The following ZNF668 variants were observed in gnomAD, a reference collection of about 807,000 sequenced individuals.
ZNF668 encodes zinc finger protein 668.
Under a neutral mutation model 40.3 loss-of-function variants are expected in ZNF668, and 10 were observed. The observed-to-expected ratio is 0.25, with a 90% confidence interval of 0.15 to 0.42. The LOEUF is 0.42. Ranked by LOEUF, ZNF668 falls within the 10% of genes least tolerant of loss-of-function variation. The probability of loss-of-function intolerance (pLI) is 1.00; values close to 1 mark genes in which losing one functional copy is unlikely to be tolerated. For synonymous variants in ZNF668, 428 were observed against 384.6 expected, an observed-to-expected ratio of 1.11 and a Z score of -1.32; for missense variants, 749 against 904.6, an observed-to-expected ratio of 0.83 and a Z score of 2.21.
At chr16:31,070,417 A>C (rs941139898) in intron 1 of ZNF668, among the ~76,000 whole-genome samples, 4 of 150,738 alleles carry the variant, frequency 2.7e-5, no homozygotes, top group African/African-American at 9.8e-5. Flanking sequence ...CATGTTGGCC[A>C]GGCTGGTCTT....
chr16:31,067,149 G>C (rs2056986077), intron 1 of ZNF668, among the ~76,000 whole-genome samples: 1 of 152,034 alleles, frequency 6.6e-6, no homozygotes, highest in Admixed American at 6.6e-5. Flanking sequence ...AGCCTAAGGA[G>C]ACTGAGGTTG....
At position 31,062,286 on chromosome 16, in the gene ZNF668, G is replaced by A. The variant is rs371037658; in HGVS notation, c.648-6C>T. The A allele has an allele frequency of 3.2e-6, 5 of 1,587,194 alleles. No homozygotes were observed. The highest frequency in any genetic ancestry group is 1.3e-5 in the African/African-American group (1 of 74,674). ...GGCGCTCGCCGGTGTGGGACCTGCG[G>A]GGGTGTGGAGGACTTGGCATGAAGG... On this transcript the variant is annotated splice_polypyrimidine_tract_variant and splice_region_variant and intron_variant, in intron 2 of 2. Coordinates refer to ENST00000300849, the MANE Select transcript of ZNF668 (RefSeq NM_024706.5).
In ZNF668 at chr16:31,061,296, G is replaced by A; in HGVS notation, c.1632C>T (p.Phe544=). 1 of 1,571,916 alleles carries A rather than the reference G, an allele frequency of 6.4e-7. No homozygotes were observed. The highest frequency in any genetic ancestry group is 8.6e-7 in the Non-Finnish European group (1 of 1,158,202). ...AGCTCTTGCCGCACTGGGTGCAGGG[G>A]AAGGGCCGGAGCTCCGGGTGTGAGC... The part of the protein sequence containing the change: ...HERSHPELRP[F]PCTQCGKSFS... Residue 544 remains phenylalanine, a synonymous_variant, in exon 3 of 3, where the codon TTC becomes TTT. Coordinates refer to ENST00000300849, the MANE Select transcript of ZNF668 (RefSeq NM_024706.5). The surrounding 1 kb of genome is among the most constrained non-coding windows in gnomAD (Gnocchi z 7.7).
chr16:31,066,460 G>T, intron 1 of ZNF668: 1 of 800,630 alleles, frequency 1.2e-6, no homozygotes, highest in Non-Finnish European at 1.5e-6. Context: ...GGGAGGCTGA[G>T]GCGGGAGGAT....
rs2056959551 is a variant in ZNF668 at position 31,064,030 on chromosome 16, G to A, written c.430C>T (p.His144Tyr). Reference sequence around the variant, plus strand: ...AGCGCGCCATAGGCCTTCGGGCAGTGCGCACAGCGGAAGGGCAGTTCGCCA... The same window carrying A: ...AGCGCGCCATAGGCCTTCGGGCAGTACGCACAGCGGAAGGGCAGTTCGCCA... ...HAGELPFRCA[H>Y]CPKAYGALSK... Residue 144 changes from histidine (H) to tyrosine (Y), a missense_variant, in exon 2 of 3, where the codon CAC becomes TAC. His to Tyr is a moderately conservative substitution (Grantham distance 83). Transcript: ENST00000300849. The A allele has an allele frequency of 6.2e-7, 1 of 1,605,152 alleles. No individual in the cohort carries two copies. The highest frequency in any genetic ancestry group is 8.5e-7 in the Non-Finnish European group (1 of 1,174,208).
intron 1 of ZNF668, among the ~76,000 whole-genome samples, chr16:31,069,970 C>T (rs1306452411): frequency 7.2e-5 from 11 of 151,904 alleles, no homozygotes; most frequent in South Asian, 2.1e-4. Flanking sequence ...GAGACAGGGT[C>T]TCACTGTGTT....
chr16:31,063,878 C>A lies in ZNF668; in HGVS notation c.582G>T (p.Arg194=). 6.3e-7 allele frequency: 1 copy of A among 1,595,130 alleles called. No individual in the cohort carries two copies. The highest frequency in any genetic ancestry group is 1.7e-5 in the Admixed American group (1 of 57,286). ...RKHRRTHAGL[R]PYSCERCGKA... is the part of the protein sequence containing the mutation. ...TGCCGCAACGCTCACAGCTGTAGGG[C>A]CGCAGGCCAGCGTGAGTACGCCGGT... The change falls in exon 2 of 3, where the codon CGG becomes CGT. Residue 194 remains arginine (R), a synonymous_variant. Coordinates refer to ENST00000300849, the MANE Select transcript of ZNF668 (RefSeq NM_024706.5).
chr16:31,062,284 C>T lies in ZNF668; in HGVS notation c.648-4G>A, dbSNP rs199875374. ...GGGGCGCTCGCCGGTGTGGGACCTG[C>T]GGGGGTGTGGAGGACTTGGCATGAA... On this transcript the variant is annotated splice_polypyrimidine_tract_variant and splice_region_variant and intron_variant, in intron 2 of 2. Coordinates refer to ENST00000300849, the MANE Select transcript of ZNF668 (RefSeq NM_024706.5). 1.3e-6 allele frequency: 2 copies of T among 1,591,216 alleles called. No homozygotes were observed. Among genetic ancestry groups the T allele is most frequent in the South Asian group, 1.1e-5 (1 of 88,472 alleles).
At chr16:31,069,268 T>TACACACACACACACACACAC (rs55722354) in intron 1 of ZNF668, 15 of 141,778 alleles carry the variant, frequency 1.1e-4, no homozygotes, top group African/African-American at 3.0e-4. Context: ...CTACTAAAAA[T>TACACACACACACACACACAC]ACACACACAC....
chr16:31,064,635 C>T (rs2056968292), intron 1 of ZNF668, 154 bp from the exon 2 acceptor site: 7 of 1,536,728 alleles, frequency 4.6e-6, no homozygotes, highest in Middle Eastern at 3.3e-4. Flanking sequence ...TTCGTTTCCT[C>T]CCTGATCTGC....
At chr16:31,062,494 A>C in intron 2 of ZNF668, 1 of 643,328 alleles carries the variant, frequency 1.6e-6, no homozygotes, top group Non-Finnish European at 2.5e-6. Flanking sequence ...AAAGACCAAG[A>C]TATGGGCCGG....
intron 1 of ZNF668, among the ~76,000 whole-genome samples, chr16:31,068,088 G>C (rs1398603214): frequency 6.6e-6 from 1 of 151,450 alleles, no homozygotes; most frequent in Non-Finnish European, 1.5e-5. Flanking sequence ...ACACCAGGTA[G>C]CTGGAGGGGA....
intron 1 of ZNF668, among the ~76,000 whole-genome samples, chr16:31,068,473 C>T (rs1219144196): frequency 3.3e-5 from 5 of 150,144 alleles, no homozygotes; most frequent in East Asian, 3.9e-4. Context: ...CCGACCGCCT[C>T]GGCCTCCCAA....
At position 31,061,431 on chromosome 16, in the gene ZNF668, T is replaced by G. The variant is rs1413097010; in HGVS notation, c.1497A>C (p.Glu499Asp). The change falls in exon 3 of 3, where the codon GAA (glutamate) becomes GAC (aspartate). Residue 499 changes from glutamate (E) to aspartate (D), a missense_variant. Physicochemically the swap from Glu to Asp is conservative, Grantham distance 45. Transcript: ENST00000300849. The surrounding 1 kb of genome is among the most constrained non-coding windows in gnomAD (Gnocchi z 7.7). Reference protein sequence around the residue: ...AGVREAPGPLEGAGEAGGEEA... With the variant: ...AGVREAPGPLDGAGEAGGEEA... Reference sequence around the variant, plus strand: ...CCTCACCCCCCGCCTCGCCTGCCCCTTCCAAGGGACCAGGAGCCTCCCGGA... The same window carrying G: ...CCTCACCCCCCGCCTCGCCTGCCCCGTCCAAGGGACCAGGAGCCTCCCGGA... 3 of 1,613,834 alleles carry G rather than the reference T, an allele frequency of 1.9e-6. No individual in the cohort carries two copies. Among genetic ancestry groups the G allele is most frequent in the African/African-American group, 2.7e-5 (2 of 74,916 alleles).
At chr16:31,069,941 A>AT (rs2057003595) in intron 1 of ZNF668, among the ~76,000 whole-genome samples, 1 of 148,672 alleles carries the variant, frequency 6.7e-6, no homozygotes, top group African/African-American at 2.5e-5. Flanking sequence ...CGCCCGGCTA[A>AT]TTTTTTGTAT....
Position 31,061,652 on chromosome 16 carries a change from G to A in ZNF668, c.1276C>T (p.Gln426Ter). Residue 426 changes from glutamine (Q) to a stop codon, truncating the protein, a stop_gained, in exon 3 of 3, where the codon CAG becomes TAG. Coordinates refer to ENST00000300849, the MANE Select transcript of ZNF668 (RefSeq NM_024706.5). LOFTEE classifies it high-confidence loss of function. The surrounding 1 kb of genome is among the most constrained non-coding windows in gnomAD (Gnocchi z 7.7). ...AGCGCCAACCCCACCACCAGCTCCT[G>A]TGCAGGGGGCACACCCGCGGCCTCA... ...SSEAAGVPPAQELVVGLALPV... is the reference protein window; with the variant it reads ...SSEAAGVPPA The A allele has an allele frequency of 1.9e-6, 3 of 1,612,842 alleles. No individual in the cohort carries two copies. The highest frequency in any genetic ancestry group is 1.7e-6 in the Non-Finnish European group (2 of 1,179,898).
chr16:31,068,469 G>A (rs1369514674), intron 1 of ZNF668, among the ~76,000 whole-genome samples: 9 of 149,414 alleles, frequency 6.0e-5, no homozygotes, highest in African/African-American at 1.5e-4. Flanking sequence ...TGATCCGACC[G>A]CCTCGGCCTC....
Position 31,064,227 on chromosome 16 carries a change from G to A in ZNF668, c.233C>T (p.Ala78Val). Reference sequence around the variant, plus strand: ...ACACGCATAGGGCCTAGGCTTGGCCGCGGAGCCTGACACCTTCTCCCCACT... The same window carrying A: ...ACACGCATAGGGCCTAGGCTTGGCCACGGAGCCTGACACCTTCTCCCCACT... ...EASGEKVSGS[A>V]AKPRPYACPL... is the part of the protein sequence containing the mutation. The change falls in exon 2 of 3, where the codon GCG becomes GTG. Residue 78 changes from alanine to valine, a missense_variant. Ala to Val is a moderately conservative substitution (Grantham distance 64). This residue lies in a region of ZNF668 where 159 missense variants were observed against 139.8 expected (regional missense o/e 1.14). Transcript: ENST00000300849. 1 of 1,613,266 alleles carries A rather than the reference G, an allele frequency of 6.2e-7. No individual in the cohort carries two copies. Among genetic ancestry groups the A allele is most frequent in the Non-Finnish European group, 8.5e-7 (1 of 1,180,006 alleles).
At chr16:31,064,505 C>T (rs1239108032) in intron 1 of ZNF668, 24 bp from the exon 2 acceptor site, 1 of 1,601,394 alleles carries the variant, frequency 6.2e-7, no homozygotes, top group Non-Finnish European at 8.5e-7. Flanking sequence ...AAAGTTAGAC[C>T]AAAGCCACAT....
Sources: gnomAD v4.1 joint callset for allele counts (sites outside exome capture counted in the v4.1 genomes callset) on GRCh38, gnomAD v4.1.1 for gene constraint, gnomAD v4.1.1 regional missense constraint, Gnocchi (gnomAD v3.1) non-coding constraint, MANE v1.5 for transcripts, NCBI Gene and HGNC (gene_info 2026-07-23, HGNC 2026-07-21) for gene names.